The following CDH11 variants were observed in gnomAD, a reference collection of about 807,000 sequenced individuals.
CDH11 encodes the protein cadherin 11.
Under a neutral mutation model 67.8 loss-of-function variants are expected in CDH11, and 11 were observed. The ratio of observed to expected loss-of-function variants is 0.16; its 90% CI spans 0.10 to 0.27. The LOEUF is 0.27. Among genes scored for constraint, CDH11 ranks in the 10% least tolerant of loss-of-function variants. The pLI is 1.00. For synonymous variants in CDH11, 419 were observed against 400.0 expected, an observed-to-expected ratio of 1.05 and a Z score of -0.57; for missense variants, 847 against 1,031.2, an observed-to-expected ratio of 0.82 and a Z score of 2.45.
intron 11 of CDH11, among the ~76,000 whole-genome samples, chr16:64,969,997 G>A (rs1220095789): frequency 6.6e-6 from 1 of 152,142 alleles, no homozygotes; most frequent in Non-Finnish European, 1.5e-5. Flanking sequence ...AAAAATCCTA[G>A]TGTAAATACA....
At chr16:65,047,937 C>G (rs879208169) in intron 2 of CDH11, among the ~76,000 whole-genome samples, 1 of 152,142 alleles carries the variant, frequency 6.6e-6, no homozygotes, top group Non-Finnish European at 1.5e-5. Context: ...TATGTTCTCA[C>G]AGATCCATGG....
intron 1 of CDH11, among the ~76,000 whole-genome samples, chr16:65,086,483 T>C (rs755073957): frequency 2.0e-5 from 3 of 152,230 alleles, no homozygotes; most frequent in Non-Finnish European, 4.4e-5. Flanking sequence ...CTGTTGTCTC[T>C]GTGATGTTAG....
intron 1 of CDH11, among the ~76,000 whole-genome samples, chr16:65,069,284 G>A (rs1030732248): frequency 3.9e-5 from 6 of 152,120 alleles, no homozygotes; most frequent in African/African-American, 1.2e-4. Flanking sequence ...GTCAAATCTC[G>A]ACTCCAATTA....
At chr16:64,960,493 G>C (rs1031131562) in intron 11 of CDH11, among the ~76,000 whole-genome samples, 2 of 152,094 alleles carry the variant, frequency 1.3e-5, no homozygotes, top group Non-Finnish European at 2.9e-5. Context: ...GAAAAATTGA[G>C]GTTAGGGCAG....
At chr16:65,117,409 T>C (rs1280612479) in intron 1 of CDH11, among the ~76,000 whole-genome samples, 1 of 152,182 alleles carries the variant, frequency 6.6e-6, no homozygotes, top group East Asian at 1.9e-4. Context: ...TTCATGACAC[T>C]ATCAAACAGG....
intron 2 of CDH11, chr16:65,006,757 T>C (rs2073063478): frequency 6.6e-6 from 1 of 152,226 alleles, no homozygotes; most frequent in Admixed American, 6.5e-5. Context: ...TCATCTTGAA[T>C]TCAACATGTG....
intron 5 of CDH11, 129 bp downstream of exon 5, chr16:64,992,786 T>C (rs774814056): frequency 2.9e-4 from 218 of 745,412 alleles, no homozygotes; most frequent in Non-Finnish European, 4.4e-4. Context: ...ATCCTCACAC[T>C]AACCCTATAG....
chr16:64,944,732 T>C lies in CDH11; in HGVS notation c.*2871A>G. ...CCCAGAAACCCAGGCCTAAAAGAAATAACTTAGCTAAACCCAAGATCTGTC... is the reference window on the plus strand; with the variant it reads ...CCCAGAAACCCAGGCCTAAAAGAAACAACTTAGCTAAACCCAAGATCTGTC... On this transcript the variant is annotated 3_prime_UTR_variant, in exon 13 of 13. Coordinates refer to ENST00000268603, the MANE Select transcript of CDH11 (RefSeq NM_001797.4). The C allele has an allele frequency of 4.3e-6, 1 of 231,574 alleles. No individual in the cohort carries two copies. The highest frequency in any genetic ancestry group is 8.5e-6 in the Non-Finnish European group (1 of 116,974). The allele number at this position is 231,574 out of a possible 1,614,324, so 14.3% of individuals were successfully genotyped here.
rs1428367846 is a variant in CDH11, at chr16:64,998,638, G to A, written c.447C>T (p.Val149=). The A allele has an allele frequency of 6.2e-7, 1 of 1,614,018 alleles. No individual in the cohort carries two copies. Among genetic ancestry groups the A allele is most frequent in the Non-Finnish European group, 8.5e-7 (1 of 1,180,024 alleles). The change falls in exon 4 of 13, where the codon GTC becomes GTT. Residue 149 remains valine, a synonymous_variant. Transcript: ENST00000268603. ...CCGGAGGGTTGTCATTAATGTCCTG[G>A]ACCTTGACAATGAATTCCGACGGTG... ...LEPPSEFIVK[V]QDINDNPPEF...
chr16:65,045,347 A>ATATATATATATC (rs1567546288), intron 2 of CDH11, among the ~76,000 whole-genome samples: 3 of 78,838 alleles, frequency 3.8e-5, no homozygotes, highest in African/African-American at 1.3e-4. Context: ...ATATATATAT[A>ATATATATATATC]TATATATATA....
intron 1 of CDH11, among the ~76,000 whole-genome samples, chr16:65,056,396 T>C (rs1394861826): frequency 1.3e-5 from 2 of 152,172 alleles, no homozygotes; most frequent in Non-Finnish European, 2.9e-5. Flanking sequence ...TCTGACTACA[T>C]GGCAGGAAAG....
intron 8 of CDH11, among the ~76,000 whole-genome samples, chr16:64,979,458 A>G (rs2072269542): frequency 6.6e-6 from 1 of 152,054 alleles, no homozygotes; most frequent in African/African-American, 2.4e-5. Flanking sequence ...GTAGCAAATA[A>G]ATAAATAAAT....
At position 64,998,869 on chromosome 16, in the gene CDH11, G is replaced by A. The variant is rs757370195; in HGVS notation, c.229-13C>T. The A allele has an allele frequency of 6.2e-7, 1 of 1,609,710 alleles. No individual in the cohort carries two copies. Among genetic ancestry groups the A allele is most frequent in the Non-Finnish European group, 8.5e-7 (1 of 1,176,592 alleles). On this transcript the variant is annotated splice_polypyrimidine_tract_variant and intron_variant, in intron 3 of 12. Transcript: ENST00000268603. The stretch of plus-strand genomic sequence containing the variant: ...TATCTGAATGAAGCTGGAAGAAAGA[G>A]AAATTGAGATTTTTAATTCCATGAG...
In CDH11 at chr16:64,992,952, G is replaced by A. The variant is rs1426893997; in HGVS notation, c.606C>T (p.Leu202=). The A allele has an allele frequency of 2.4e-5, 38 of 1,612,470 alleles. No individual in the cohort carries two copies. The highest frequency in any genetic ancestry group is 9.3e-5 in the African/African-American group (7 of 74,960). ...GNSAKLVYSI[L]EGQPYFSVEA... ...CCACCGAAAAATAGGGTTGTCCTTCGAGGATACTGTACACTAACTTGGCGC... is the reference window on the plus strand; with the variant it reads ...CCACCGAAAAATAGGGTTGTCCTTCAAGGATACTGTACACTAACTTGGCGC... The change falls in exon 5 of 13, where the codon CTC becomes CTT. Residue 202 remains leucine (L), a synonymous_variant. Transcript: ENST00000268603.
At chr16:65,116,134 T>C (rs551495316) in intron 1 of CDH11, among the ~76,000 whole-genome samples, 4 of 152,174 alleles carry the variant, frequency 2.6e-5, no homozygotes, top group Non-Finnish European at 5.9e-5. Flanking sequence ...AAAACTGAAC[T>C]TTCCAGAATG....
chr16:64,946,380 C>G lies in CDH11; in HGVS notation c.*1223G>C. 1 of 1,038,282 alleles carries G rather than the reference C, an allele frequency of 9.6e-7. No homozygotes were observed. The highest frequency in any genetic ancestry group is 1.2e-6 in the Non-Finnish European group (1 of 861,896). 64.3% of individuals were successfully genotyped at this position (1,038,282 alleles called of 1,614,324 possible). ...TCAGTGTGGGGCATAGAATGTATACCTGGAACATTAGAGTTCTGATAGCTC... is the reference window on the plus strand; with the variant it reads ...TCAGTGTGGGGCATAGAATGTATACGTGGAACATTAGAGTTCTGATAGCTC... On this transcript the variant is annotated 3_prime_UTR_variant, in exon 13 of 13. Coordinates refer to ENST00000268603, the MANE Select transcript of CDH11 (RefSeq NM_001797.4).
chr16:64,997,543 T>A (rs76203969), intron 4 of CDH11, among the ~76,000 whole-genome samples: 1 of 152,072 alleles, frequency 6.6e-6, no homozygotes, highest in Non-Finnish European at 1.5e-5. Context: ...GTTTCCTCTG[T>A]ATGGATTTAT....
chr16:65,057,127 C>A (rs1046400110), intron 1 of CDH11, among the ~76,000 whole-genome samples: 1 of 152,134 alleles, frequency 6.6e-6, no homozygotes, highest in African/African-American at 2.4e-5. Context: ...GCTGTGCGGG[C>A]TATAGTGGGT....
intron 1 of CDH11, among the ~76,000 whole-genome samples, chr16:65,063,954 A>AGCTGATACTTCTCTAGTAT (rs1347374833): frequency 2.0e-5 from 3 of 152,188 alleles, no homozygotes; most frequent in Non-Finnish European, 2.9e-5. Flanking sequence ...CAGAGCTAAG[A>AGCTGATACTTCTCTAGTAT]GCTGATACTT....
Sources: gnomAD v4.1 joint callset for allele counts (sites outside exome capture counted in the v4.1 genomes callset) on GRCh38, gnomAD v4.1.1 for gene constraint, MANE v1.5 for transcripts, NCBI Gene and HGNC (gene_info 2026-07-23, HGNC 2026-07-21) for gene names.